Variants in MEAF6 observed in about 807,000 individuals in gnomAD.
The protein encoded by MEAF6 is MYST/Esa1 associated factor 6, also known as chromatin modification-related protein MEAF6.
In MEAF6, 15 loss-of-function variants were observed where a neutral mutation model predicts 28.9. The observed-to-expected ratio is 0.52, with a 90% CI of 0.35 to 0.80. The LOEUF is 0.80. Among genes scored for constraint, MEAF6 ranks in the 30% least tolerant of loss-of-function variants. The pLI is 0.01. For synonymous variants in MEAF6, 97 were observed against 88.7 expected (o/e 1.09, Z -0.53); for missense variants, 178 against 237.5 (o/e 0.75, Z 1.65).
At chr1:37,500,065 G>C (rs1423337683) in intron 5 of MEAF6, among the ~76,000 whole-genome samples, 2 of 152,214 alleles carry the variant, frequency 1.3e-5, no homozygotes, top group Non-Finnish European at 2.9e-5. Context: ...CCAGCACTTT[G>C]GGAGGCCGAG....
At chr1:37,494,515 C>CAAAA (rs35851858) in intron 6 of MEAF6, among the ~76,000 whole-genome samples, 4 of 82,232 alleles carry the variant, frequency 4.9e-5, no homozygotes, top group Non-Finnish European at 6.5e-5. Context: ...AACTCTGTTT[C>CAAAA]AAAAAAAAAA....
At chr1:37,502,785 A>C (rs1238234016) in intron 4 of MEAF6, among the ~76,000 whole-genome samples, 1 of 151,492 alleles carries the variant, frequency 6.6e-6, no homozygotes, top group Non-Finnish European at 1.5e-5. Flanking sequence ...AAGCCCTGCT[A>C]ATTTTTCTAT....
chr1:37,494,135 C>CT (rs1377358139), intron 6 of MEAF6, 28 bp from the exon 7 acceptor site: 1 of 1,593,768 alleles, frequency 6.3e-7, no homozygotes, highest in Non-Finnish European at 8.6e-7. Context: ...AAAGTCCCAA[C>CT]TTACTCTCGG....
chr1:37,509,588 G>T (rs769720938), intron 2 of MEAF6, 46 bp from the exon 3 acceptor site: 7 of 1,535,724 alleles, frequency 4.6e-6, no homozygotes, highest in Non-Finnish European at 5.4e-6. Context: ...CTATGTCTAT[G>T]GCTCAAGCTG....
At chr1:37,501,426 GA>G (rs1642299442) in intron 5 of MEAF6, 1 of 164,688 alleles carries the variant, frequency 6.1e-6, no homozygotes, top group Non-Finnish European at 1.3e-5. Context: ...ACCAGCAGAA[GA>G]CTTTATCCCA....
chr1:37,509,648 G>A, intron 2 of MEAF6, 106 bp from the exon 3 acceptor site: 1 of 958,178 alleles, frequency 1.0e-6, no homozygotes, highest in African/African-American at 1.6e-5. Context: ...ATGTCACTCA[G>A]ACTGGCCCAA....
chr1:37,514,641 T>C lies in MEAF6; in HGVS notation c.90+16A>G. 1.3e-6 allele frequency: 2 copies of C among 1,511,974 alleles called. No homozygotes were observed. The highest frequency in any genetic ancestry group is 1.8e-6 in the Non-Finnish European group (2 of 1,133,758). 93.7% of individuals were successfully genotyped at this position (1,511,974 alleles called of 1,614,324 possible). On this transcript the variant is annotated intron_variant, in intron 1 of 6. Transcript: ENST00000296214. ...GCGGAGCCCCATGCCGTGCAACCCC[T>C]GTCCTAGCCCCTCACCGCCAGCTCC...
chr1:37,493,763 A>G lies in MEAF6; in HGVS notation c.*336T>C, dbSNP rs1642017309. ...AACAAAACCAGAGAACATTTCTTGA[A>G]GGGTATCACAGATGAAGCTGGTGCC... On this transcript the variant is annotated 3_prime_UTR_variant, in exon 7 of 7. Coordinates refer to ENST00000296214, the MANE Select transcript of MEAF6 (RefSeq NM_001270875.3). 1 of 1,547,882 alleles carries G rather than the reference A, an allele frequency of 6.5e-7. No homozygotes were observed. Among genetic ancestry groups the G allele is most frequent in the South Asian group, 1.2e-5 (1 of 83,874 alleles).
Position 37,513,415 on chromosome 1 carries a change from A to G in MEAF6, c.206+8T>C, listed in dbSNP as rs750962982. 1 of 1,608,006 alleles carries G rather than the reference A, an allele frequency of 6.2e-7. No homozygotes were observed. The highest frequency in any genetic ancestry group is 1.1e-5 in the South Asian group (1 of 90,946). The stretch of plus-strand genomic sequence containing the variant: ...ACAATAGGAACACTACAGGCTTTCG[A>G]CACTCACTTTTGGTTGGTCAGATAC... On this transcript the variant is annotated splice_region_variant and intron_variant, in intron 2 of 6. Transcript: ENST00000296214.
chr1:37,508,594 A>C (rs989170955), intron 4 of MEAF6, among the ~76,000 whole-genome samples: 2 of 151,874 alleles, frequency 1.3e-5, no homozygotes, highest in Admixed American at 6.6e-5. Context: ...CAAGATGAAC[A>C]TTTTCTAAGA....
rs1335563984 is a variant in MEAF6, at chr1:37,491,196, G to A, written c.*2903C>T. Among the ~76,000 whole-genome samples the A allele has an allele frequency of 1.3e-5, 2 of 152,124 alleles. No homozygotes were observed. Among genetic ancestry groups the A allele is most frequent in the African/African-American group, 2.4e-5 (1 of 41,416 alleles). ...TTTTAATTATCTTCTTTACTGCACA[G>A]GTCAAGATGTCAAGAATACTCTATA... On this transcript the variant is annotated 3_prime_UTR_variant, in exon 7 of 7. Transcript: ENST00000296214.
intron 1 of MEAF6, chr1:37,513,856 C>T: frequency 2.3e-6 from 1 of 429,520 alleles, no homozygotes; most frequent in South Asian, 5.1e-5. Context: ...TGGGCGATGT[C>T]CACTCCCACG....
chr1:37,506,591 T>C (rs1452780567), intron 4 of MEAF6, among the ~76,000 whole-genome samples: 4 of 152,108 alleles, frequency 2.6e-5, no homozygotes, highest in African/African-American at 7.2e-5. Context: ...CTATGTTCCC[T>C]AGTCTGGTCT....
chr1:37,501,209 A>G (rs1035128233), intron 5 of MEAF6, among the ~76,000 whole-genome samples: 21 of 152,286 alleles, frequency 1.4e-4, no homozygotes, highest in African/African-American at 4.3e-4. Flanking sequence ...ATGGTGCACC[A>G]ATGTTACACG....
chr1:37,513,647 C>A, intron 1 of MEAF6, 109 bp from the exon 2 acceptor site: 1 of 834,692 alleles, frequency 1.2e-6, no homozygotes, highest in South Asian at 1.4e-5. Context: ...CTTGCCCACA[C>A]TAAACCACCC....
rs1403937764 is a variant in MEAF6 at position 37,492,366 on chromosome 1, C to T, written c.*1733G>A. On this transcript the variant is annotated 3_prime_UTR_variant, in exon 7 of 7. Coordinates refer to ENST00000296214, the MANE Select transcript of MEAF6 (RefSeq NM_001270875.3). ...TATTTTAAGGTCTGCTGTGTGCTTT[C>T]CCCAAAAGGAAGGAAACTGTAGGCA... 1.3e-5 allele frequency among the ~76,000 whole-genome samples: 2 copies of T among 151,918 alleles called. No homozygotes were observed. The highest frequency in any genetic ancestry group is 2.9e-5 in the Non-Finnish European group (2 of 67,940).
chr1:37,502,469 G>C (rs1326073961), intron 4 of MEAF6, among the ~76,000 whole-genome samples: 1 of 151,364 alleles, frequency 6.6e-6, no homozygotes, highest in Non-Finnish European at 1.5e-5. Context: ...AAACTACAGT[G>C]ACTGTACAAA....
In MEAF6 at chr1:37,491,983, G is replaced by A. The variant is rs1433454811; in HGVS notation, c.*2116C>T. Among the ~76,000 whole-genome samples, 1 of 147,684 alleles carries A rather than the reference G, an allele frequency of 6.8e-6. No individual in the cohort carries two copies. The highest frequency in any genetic ancestry group is 1.5e-5 in the Non-Finnish European group (1 of 67,344). Reference sequence around the variant, plus strand: ...GCTGCTGGAGTGCAGTGGCGCAACAGAGCAGTACTATTCCATCTCTAGCAA... The same window carrying A: ...GCTGCTGGAGTGCAGTGGCGCAACAAAGCAGTACTATTCCATCTCTAGCAA... On this transcript the variant is annotated 3_prime_UTR_variant, in exon 7 of 7. Coordinates refer to ENST00000296214, the MANE Select transcript of MEAF6 (RefSeq NM_001270875.3).
In MEAF6 at chr1:37,494,059, A is replaced by G. The variant is rs751709905; in HGVS notation, c.*40T>C. ...CTTTGTGAGGTCAGAGAAGGGAAGC[A>G]GGGCTCTACAGCCTGGAAGCTTCTG... On this transcript the variant is annotated 3_prime_UTR_variant, in exon 7 of 7. Transcript: ENST00000296214. 1 of 1,603,618 alleles carries G rather than the reference A, an allele frequency of 6.2e-7. No homozygotes were observed. The highest frequency in any genetic ancestry group is 1.8e-5 in the Admixed American group (1 of 56,674).
Sources: gnomAD v4.1 joint callset for allele counts (sites outside exome capture counted in the v4.1 genomes callset) on GRCh38, gnomAD v4.1.1 for gene constraint, MANE v1.5 for transcripts, NCBI Gene and HGNC (gene_info 2026-07-23, HGNC 2026-07-21) for gene names.